The following LMBRD2 variants were observed in gnomAD, a reference collection of about 807,000 sequenced individuals.
The protein encoded by LMBRD2 is G protein-coupled receptor-associated protein LMBRD2.
A neutral mutation model predicts 94.4 loss-of-function variants in LMBRD2; 55 were observed. That is an observed-to-expected ratio of 0.58 (90% CI 0.47 to 0.73). LMBRD2 has a LOEUF of 0.73. Among genes scored for constraint, LMBRD2 ranks in the 30% least tolerant of loss-of-function variants. The pLI, the probability that LMBRD2 is intolerant of heterozygous loss-of-function variation, is 0.00. For missense variants in LMBRD2, 640 were observed against 831.9 expected (o/e 0.77, Z 2.84); for synonymous variants, 246 against 272.4 (o/e 0.90, Z 0.95).
intron 9 of LMBRD2, among the ~76,000 whole-genome samples, chr5:36,120,345 C>T (rs1321852331): frequency 6.6e-6 from 1 of 152,118 alleles, no homozygotes; most frequent in Non-Finnish European, 1.5e-5. Context: ...TCACTGCAAC[C>T]TCCGCCTCCT....
At position 36,101,926 on chromosome 5, in the gene LMBRD2, A is replaced by G. The variant is rs750408833; in HGVS notation, c.*2120T>C. The G allele has an allele frequency of 4.6e-5, 7 of 151,932 alleles. No homozygotes were observed. The highest frequency in any genetic ancestry group is 1.0e-4 in the Non-Finnish European group (7 of 67,858). 9.4% of individuals were successfully genotyped at this position (151,932 alleles called of 1,614,324 possible). A position where few individuals can be genotyped will look rare whatever the true frequency, so the allele number is the denominator to read the frequency against. On this transcript the variant is annotated 3_prime_UTR_variant, in exon 18 of 18. Coordinates refer to ENST00000296603, the MANE Select transcript of LMBRD2 (RefSeq NM_001007527.2). Reference sequence around the variant, plus strand: ...TAGGGCATTATAAAAGTTAGTTATAAAAGTAATTGGCTAATTTCTTTTCCT... The same window carrying G: ...TAGGGCATTATAAAAGTTAGTTATAGAAGTAATTGGCTAATTTCTTTTCCT...
chr5:36,145,216 C>G (rs186316299), intron 1 of LMBRD2, among the ~76,000 whole-genome samples: 3 of 152,286 alleles, frequency 2.0e-5, no homozygotes, highest in Admixed American at 6.5e-5. Flanking sequence ...TTAGTACATA[C>G]ACTATTTTTC....
At chr5:36,108,067 A>G (rs1743514247) in intron 16 of LMBRD2, among the ~76,000 whole-genome samples, 1 of 152,144 alleles carries the variant, frequency 6.6e-6, no homozygotes, top group African/African-American at 2.4e-5. Context: ...TCTGTCTGGT[A>G]TCAGTCCCTC....
At chr5:36,122,051 T>G (rs920478584) in intron 9 of LMBRD2, among the ~76,000 whole-genome samples, 10 of 152,194 alleles carry the variant, frequency 6.6e-5, no homozygotes, top group African/African-American at 1.9e-4. Context: ...ATACATGTTT[T>G]TTAATAGAAT....
At chr5:36,147,839 C>A (rs1744586603) in intron 1 of LMBRD2, 1 of 414,624 alleles carries the variant, frequency 2.4e-6, no homozygotes, top group South Asian at 1.7e-5. Context: ...AGAACACAAA[C>A]AAAACACTGA....
At chr5:36,142,472 T>C in intron 3 of LMBRD2, 30 bp downstream of exon 3, 1 of 1,279,172 alleles carries the variant, frequency 7.8e-7, no homozygotes, top group Non-Finnish European at 1.1e-6. Flanking sequence ...CCCTACAATG[T>C]TTATATATTT....
intron 9 of LMBRD2, among the ~76,000 whole-genome samples, chr5:36,120,531 T>C (rs1366245627): frequency 6.6e-6 from 1 of 152,178 alleles, no homozygotes; most frequent in Non-Finnish European, 1.5e-5. Context: ...AGTGCTGGGA[T>C]TACAGGTGTG....
Position 36,102,283 on chromosome 5 carries a change from G to A in LMBRD2, c.*1763C>T, listed in dbSNP as rs919198240. The A allele has an allele frequency of 3.3e-5, 5 of 151,870 alleles. No individual in the cohort carries two copies. The highest frequency in any genetic ancestry group is 7.4e-5 in the Non-Finnish European group (5 of 67,840). The allele number at this position is 151,870 out of a possible 1,614,324, so 9.4% of individuals were successfully genotyped here. A position where few individuals can be genotyped will look rare whatever the true frequency, so the allele number is the denominator to read the frequency against. ...ATGGCTTTGTAAGGTAGATCAGCAG[G>A]TAAATAGCAAGTATCATCTTCATTC... On this transcript the variant is annotated 3_prime_UTR_variant, in exon 18 of 18. Transcript: ENST00000296603.
At chr5:36,138,354 A>G (rs1430121005) in intron 4 of LMBRD2, among the ~76,000 whole-genome samples, 1 of 152,226 alleles carries the variant, frequency 6.6e-6, no homozygotes, top group Non-Finnish European at 1.5e-5. Context: ...TATACATATA[A>G]TGGGGTATGT....
intron 10 of LMBRD2, 58 bp from the exon 11 acceptor site, chr5:36,116,651 C>T: frequency 6.8e-7 from 1 of 1,477,562 alleles, no homozygotes; most frequent in South Asian, 1.2e-5. Flanking sequence ...TAGCACTTAA[C>T]AATTACAGGC....
At chr5:36,111,056 G>T in intron 14 of LMBRD2, 99 bp downstream of exon 14, 1 of 732,192 alleles carries the variant, frequency 1.4e-6, no homozygotes, top group Non-Finnish European at 2.2e-6. Flanking sequence ...TCTTAGAATA[G>T]ATTAAAAAAT....
At chr5:36,141,586 T>G (rs997560816) in intron 3 of LMBRD2, among the ~76,000 whole-genome samples, 28 of 140,820 alleles carry the variant, frequency 2.0e-4, no homozygotes, top group Non-Finnish European at 3.1e-4. Flanking sequence ...ATAGGTTGGG[T>G]TTTTTTTTTT....
intron 1 of LMBRD2, among the ~76,000 whole-genome samples, chr5:36,147,705 G>A (rs1182246928): frequency 6.6e-6 from 1 of 152,022 alleles, no homozygotes; most frequent in African/African-American, 2.4e-5. Flanking sequence ...AGTACTTTAC[G>A]GCTGATAATA....
intron 6 of LMBRD2, among the ~76,000 whole-genome samples, chr5:36,128,850 A>T (rs1744069393): frequency 6.6e-6 from 1 of 152,244 alleles, no homozygotes; most frequent in African/African-American, 2.4e-5. Flanking sequence ...ATTCAAGGTA[A>T]CACAGAGAAG....
intron 12 of LMBRD2, 143 bp downstream of exon 12, chr5:36,114,872 T>C: frequency 3.2e-6 from 2 of 629,422 alleles, no homozygotes; most frequent in Middle Eastern, 4.1e-4. Context: ...ATCTAGTCAA[T>C]AGTAATACGT....
At chr5:36,106,508 CGT>C (rs1491377118) in intron 16 of LMBRD2, among the ~76,000 whole-genome samples, 1 of 132,866 alleles carries the variant, frequency 7.5e-6, no homozygotes, top group Non-Finnish European at 1.6e-5. Flanking sequence ...TTTTTTCTTT[CGT>C]TTTTTTTTTT....
chr5:36,131,576 T>C (rs1744153754), intron 6 of LMBRD2, among the ~76,000 whole-genome samples: 1 of 152,126 alleles, frequency 6.6e-6, no homozygotes, highest in Admixed American at 6.6e-5. Flanking sequence ...ATCTCACATT[T>C]GGAAAAACCT....
chr5:36,131,910 C>T lies in LMBRD2; in HGVS notation c.747+4399G>A, dbSNP rs546526344. Among the ~76,000 whole-genome samples the T allele has an allele frequency of 2.4e-4, 37 of 152,158 alleles. No individual in the cohort carries two copies. In the South Asian group the frequency reaches 3.9e-3, roughly 16 times the overall value. Reference sequence around the variant, plus strand: ...TACTACCCAAAGCAATCTACAATTTCGATGCAATCTCTATCAAAATACCAA... The same window carrying T: ...TACTACCCAAAGCAATCTACAATTTTGATGCAATCTCTATCAAAATACCAA... On this transcript the variant is annotated intron_variant, in intron 6 of 17. Transcript: ENST00000296603.
chr5:36,140,626 T>A (rs546364869), intron 4 of LMBRD2, among the ~76,000 whole-genome samples: 17 of 152,334 alleles, frequency 1.1e-4, no homozygotes, highest in African/African-American at 3.8e-4. Context: ...CTGTTTTAAC[T>A]GCTGGATGGA....
Sources: allele counts gnomAD v4.1 joint callset (sites outside exome capture counted in the v4.1 genomes callset), GRCh38; gene constraint gnomAD v4.1.1; transcripts MANE v1.5; gene names NCBI Gene and HGNC (gene_info 2026-07-23, HGNC 2026-07-21).